Variants in SUV39H1 observed in about 807,000 individuals in gnomAD.
SUV39H1 encodes the protein histone-lysine N-methyltransferase SUV39H1.
For missense variants in SUV39H1, 180 were observed against 386.3 expected (o/e 0.47, Z 4.48); for synonymous variants, 141 against 150.5 (o/e 0.94, Z 0.46).
At chrX:48,702,647 T>G in intron 3 of SUV39H1, among the ~76,000 whole-genome samples, 1 of 110,977 alleles carries the variant, frequency 9.0e-6, no homozygotes, top group East Asian at 2.8e-4. Flanking sequence ...CACAGGGTCC[T>G]GACAGTCGAG....
At chrX:48,697,580 C>CA (rs1396606275) in intron 1 of SUV39H1, among the ~76,000 whole-genome samples, 1 of 111,285 alleles carries the variant, frequency 9.0e-6, no homozygotes, top group African/African-American at 3.3e-5. Context: ...AAAGCGTGGG[C>CA]ACAGGCGGGC....
Position 48,706,307 on chromosome X carries a change from G to A in SUV39H1, c.871G>A (p.Asp291Asn). ...EEAERRGQIY[D>N]RQGATYLFDL... ...GGCAGAGCGGCGGGGCCAGATCTAC[G>A]ACCGTCAGGGCGCCACCTACCTCTT... is the stretch of plus-strand genomic sequence containing the variant. Residue 291 changes from aspartate to asparagine, a missense_variant, in exon 4 of 6, where the codon GAC becomes AAC. Coordinates refer to ENST00000376687, the MANE Select transcript of SUV39H1 (RefSeq NM_003173.4). The A allele has an allele frequency of 8.3e-7, 1 of 1,211,512 alleles. No individual in the cohort carries two copies. The highest frequency in any genetic ancestry group is 1.1e-6 in the Non-Finnish European group (1 of 895,305).
intron 3 of SUV39H1, among the ~76,000 whole-genome samples, chrX:48,702,389 G>A (rs1024733088): frequency 1.8e-5 from 2 of 111,648 alleles, no homozygotes; most frequent in Non-Finnish European, 3.8e-5. Flanking sequence ...CCTCACCCCA[G>A]AGGGATCCGG....
rs781877031 is a variant in SUV39H1, at chrX:48,706,425, G to A, written c.975+14G>A. On this transcript the variant is annotated intron_variant, in intron 4 of 5. Coordinates refer to ENST00000376687, the MANE Select transcript of SUV39H1 (RefSeq NM_003173.4). ...GTCAACCACAGTGTGGGTACCCCCGGCAGGCGGGCAAGGGGTCGAGAGGGG... is the reference window on the plus strand; with the variant it reads ...GTCAACCACAGTGTGGGTACCCCCGACAGGCGGGCAAGGGGTCGAGAGGGG... 1 of 1,206,303 alleles carries A rather than the reference G, an allele frequency of 8.3e-7. No homozygotes were observed. The highest frequency in any genetic ancestry group is 1.1e-6 in the Non-Finnish European group (1 of 892,356).
chrX:48,705,097 G>A (rs1351871086), intron 3 of SUV39H1, among the ~76,000 whole-genome samples: 3 of 112,050 alleles, frequency 2.7e-5, no homozygotes, highest in South Asian at 3.7e-4. Context: ...ACACCAGTGT[G>A]GCCATCCTAG....
Position 48,698,897 on chromosome X carries a change from T to G in SUV39H1, c.20-5T>G. On this transcript the variant is annotated splice_region_variant and splice_polypyrimidine_tract_variant and intron_variant, in intron 1 of 5. Transcript: ENST00000376687. ...TAATAGTTCTTTCTGCCCCGCTTGA[T>G]CCAGGCTGCAGCGTGTGTTGCAAGT... 1 of 1,208,316 alleles carries G rather than the reference T, an allele frequency of 8.3e-7. No individual in the cohort carries two copies. Among genetic ancestry groups the G allele is most frequent in the Non-Finnish European group, 1.1e-6 (1 of 894,215 alleles).
At chrX:48,706,022 G>A (rs1180079305) in intron 3 of SUV39H1, among the ~76,000 whole-genome samples, 1 of 113,105 alleles carries the variant, frequency 8.8e-6, no homozygotes, top group Non-Finnish European at 1.9e-5. Flanking sequence ...GGGCCCTGCA[G>A]CCAGGCCAGC....
At chrX:48,699,194 C>T (rs1251408415) in intron 2 of SUV39H1, 147 bp downstream of exon 2, 2 of 593,813 alleles carry the variant, frequency 3.4e-6, no homozygotes, top group Non-Finnish European at 4.9e-6. Context: ...ACCCTTTTAT[C>T]CCTATGTTAC....
At chrX:48,703,962 C>T (rs1186583838) in intron 3 of SUV39H1, among the ~76,000 whole-genome samples, 2 of 109,405 alleles carry the variant, frequency 1.8e-5, no homozygotes, top group African/African-American at 6.7e-5. Context: ...TGGTACCCTG[C>T]CAGGCTGTAG....
At position 48,707,549 on chromosome X, in the gene SUV39H1, C is replaced by G; in HGVS notation, c.1218C>G (p.Ser406=). Residue 406 remains serine, a synonymous_variant, in exon 6 of 6, where the codon TCC becomes TCG. Transcript: ENST00000376687. ...VRIECKCGTE[S]CRKYLF The stretch of plus-strand genomic sequence containing the variant: ...TTGAATGCAAGTGTGGGACTGAGTC[C>G]TGCCGCAAATACCTCTTCTAGCCCT... 1 of 1,211,836 alleles carries G rather than the reference C, an allele frequency of 8.3e-7. No individual in the cohort carries two copies. Among genetic ancestry groups the G allele is most frequent in the Non-Finnish European group, 1.1e-6 (1 of 895,516 alleles).
Position 48,699,064 on chromosome X carries a change from C to T in SUV39H1, c.165+17C>T. ...AAGATCCGCGTGAGTCTGGGGTGAC[C>T]ATGCTCTGGGAGGGGACAGGTCACA... On this transcript the variant is annotated intron_variant, in intron 2 of 5. Transcript: ENST00000376687. 1 of 1,197,563 alleles carries T rather than the reference C, an allele frequency of 8.4e-7. No homozygotes were observed.
chrX:48,699,070 C>T (rs375895080), intron 2 of SUV39H1, 23 bp downstream of exon 2: 2 of 1,192,143 alleles, frequency 1.7e-6, no homozygotes, highest in African/African-American at 3.5e-5. Flanking sequence ...TGACCATGCT[C>T]TGGGAGGGGA....
At position 48,706,212 on chromosome X, in the gene SUV39H1, G is replaced by A. The variant is rs1338946142; in HGVS notation, c.829-53G>A. 3.4e-6 allele frequency: 4 copies of A among 1,174,833 alleles called. No individual in the cohort carries two copies. The Admixed American group carries it at 7.0e-5, about 21-fold the overall frequency. On this transcript the variant is annotated intron_variant, in intron 3 of 5. Coordinates refer to ENST00000376687, the MANE Select transcript of SUV39H1 (RefSeq NM_003173.4). The stretch of plus-strand genomic sequence containing the variant: ...CCTTCAGAAGTCAGGAGCAGTGCCG[G>A]CTTTCCTGAGACTTCGCGGCCAATC...
intron 3 of SUV39H1, among the ~76,000 whole-genome samples, chrX:48,701,408 C>T (rs782316305): frequency 1.8e-5 from 2 of 112,206 alleles, no homozygotes; most frequent in East Asian, 5.7e-4. Flanking sequence ...GCAACTGGGA[C>T]ACCTAGGCTC....
At position 48,707,956 on chromosome X, in the gene SUV39H1, CCTCCCTGCTGCCCCAAAGGTA is replaced by C. The variant is rs1400946777; in HGVS notation, c.*387_*407del. On this transcript the variant is annotated 3_prime_UTR_variant, in exon 6 of 6. Transcript: ENST00000376687. ...AGATTGAGGGGTCTGCTGCAGGCCTCCTCCCTGCTGCCCCAAAGGTATGGGGAAGCAACCCCAGAGCAGGCA... is the reference window on the plus strand; with the variant it reads ...AGATTGAGGGGTCTGCTGCAGGCCTCTGGGGAAGCAACCCCAGAGCAGGCA... 1.9e-5 allele frequency: 5 copies of C among 264,457 alleles called. No homozygotes were observed. The highest frequency in any genetic ancestry group is 1.1e-4 in the African/African-American group (4 of 35,385). The allele number at this position is 264,457 out of a possible 1,213,427, so 21.8% of individuals were successfully genotyped here.
rs781914210 is a variant in SUV39H1 at position 48,708,870 on chromosome X, G to A, written c.*1300G>A. ...CTGTATGCCCTGCTATCAGATGCCA[G>A]ATCTATGTGTCTGTCTGTGTGTCCA... On this transcript the variant is annotated 3_prime_UTR_variant, in exon 6 of 6. Coordinates refer to ENST00000376687, the MANE Select transcript of SUV39H1 (RefSeq NM_003173.4). 1 of 111,192 alleles carries A rather than the reference G, an allele frequency of 9.0e-6. No individual in the cohort carries two copies. Among genetic ancestry groups the A allele is most frequent in the Non-Finnish European group, 1.9e-5 (1 of 52,912 alleles). The allele number at this position is 111,192 out of a possible 1,213,427, so 9.2% of individuals were successfully genotyped here.
intron 2 of SUV39H1, among the ~76,000 whole-genome samples, chrX:48,699,444 C>T (rs1486301588): frequency 1.8e-5 from 2 of 111,421 alleles, no homozygotes; most frequent in Non-Finnish European, 3.8e-5. Flanking sequence ...GGGGGAGTGG[C>T]AGGATGGTTA....
At chrX:48,696,853 C>G in intron 1 of SUV39H1, 50 bp downstream of exon 1, 1 of 1,015,754 alleles carries the variant, frequency 9.8e-7, no homozygotes, top group Non-Finnish European at 1.3e-6. Context: ...GCCGGGTGGG[C>G]TGGAGGGGTG....
In SUV39H1 at chrX:48,706,732, A is replaced by G. The variant is rs928865370; in HGVS notation, c.1105+105A>G. 4.1e-6 allele frequency: 4 copies of G among 983,699 alleles called. No homozygotes were observed. In the African/African-American group the frequency reaches 7.7e-5, roughly 19 times the overall value. 81.1% of individuals were successfully genotyped at this position (983,699 alleles called of 1,213,427 possible). On this transcript the variant is annotated intron_variant, in intron 5 of 5. Coordinates refer to ENST00000376687, the MANE Select transcript of SUV39H1 (RefSeq NM_003173.4). ...CTCAGAGAACCAAGGAAAATTCTTT[A>G]GCGGGAGCTTTAAGATGCTCTTCCT...
Sources: gnomAD v4.1 joint callset for allele counts (sites outside exome capture counted in the v4.1 genomes callset) on GRCh38, gnomAD v4.1.1 for gene constraint, MANE v1.5 for transcripts, NCBI Gene and HGNC (gene_info 2026-07-23, HGNC 2026-07-21) for gene names.